GHR: variants seen among roughly 807,000 people sequenced by gnomAD.
The protein encoded by GHR is growth hormone receptor.
A neutral mutation model predicts 67.1 loss-of-function variants in GHR; 35 were observed. The observed-to-expected ratio is 0.52, with a 90% CI of 0.40 to 0.69. The LOEUF (loss-of-function observed/expected upper bound fraction) is 0.69. Among genes scored for constraint, GHR ranks in the 30% least tolerant of loss-of-function variants. GHR has a pLI of 0.00. For missense variants in GHR, 792 were observed against 764.6 expected, an observed-to-expected ratio of 1.04 and a Z score of -0.42; for synonymous variants, 272 against 269.1, an observed-to-expected ratio of 1.01 and a Z score of -0.10.
intron 3 of GHR, among the ~76,000 whole-genome samples, chr5:42,670,496 C>G (rs957461316): frequency 6.6e-6 from 1 of 152,004 alleles, no homozygotes; most frequent in African/African-American, 2.4e-5. Flanking sequence ...AAAGCACAGA[C>G]AACAAAAGCA....
At chr5:42,450,386 C>T (rs1410426133) in intron 1 of GHR, among the ~76,000 whole-genome samples, 2 of 152,090 alleles carry the variant, frequency 1.3e-5, no homozygotes, top group Non-Finnish European at 2.9e-5. Flanking sequence ...TTGTCCATCT[C>T]CTCTAGATTT....
At chr5:42,696,418 T>C (rs1223414640) in intron 5 of GHR, among the ~76,000 whole-genome samples, 1 of 152,170 alleles carries the variant, frequency 6.6e-6, no homozygotes, top group Non-Finnish European at 1.5e-5. Context: ...ATGGTGACAG[T>C]TTAGTTACCT....
chr5:42,656,511 C>G (rs531248008), intron 3 of GHR, among the ~76,000 whole-genome samples: 12 of 152,112 alleles, frequency 7.9e-5, no homozygotes, highest in Non-Finnish European at 1.8e-4. Context: ...TATCTTTGCA[C>G]TCCTGTCCAT....
chr5:42,576,085 A>G (rs1375964303), intron 2 of GHR, among the ~76,000 whole-genome samples: 2 of 91,650 alleles, frequency 2.2e-5, no homozygotes, highest in African/African-American at 1.1e-4. Context: ...AAAATAAAAT[A>G]AAATAAAATA....
At chr5:42,667,660 G>A (rs1029722257) in intron 3 of GHR, among the ~76,000 whole-genome samples, 6 of 152,266 alleles carry the variant, frequency 3.9e-5, no homozygotes, top group East Asian at 1.9e-4. Context: ...CTTAGCTAGC[G>A]GTCAGGTGCC....
chr5:42,473,394 T>C (rs1745093572), intron 1 of GHR, among the ~76,000 whole-genome samples: 1 of 152,228 alleles, frequency 6.6e-6, no homozygotes. Flanking sequence ...CCAAAGATAA[T>C]ATTTTTCTCT....
At chr5:42,704,287 G>T (rs146487888) in intron 6 of GHR, among the ~76,000 whole-genome samples, 99 of 151,622 alleles carry the variant, frequency 6.5e-4, no homozygotes, top group African/African-American at 2.4e-3. Context: ...TTTGACAAGT[G>T]CTTCTTCTGT....
chr5:42,573,281 G>A (rs1174714021), intron 2 of GHR, among the ~76,000 whole-genome samples: 1 of 152,156 alleles, frequency 6.6e-6, no homozygotes, highest in Non-Finnish European at 1.5e-5. Flanking sequence ...ATAGTGGGAG[G>A]GGTCTAGAAA....
chr5:42,647,151 T>G (rs1754772933), intron 3 of GHR, among the ~76,000 whole-genome samples: 1 of 152,142 alleles, frequency 6.6e-6, no homozygotes, highest in South Asian at 2.1e-4. Flanking sequence ...ACATTATGGT[T>G]GAGAATTGTC....
Position 42,572,683 on chromosome 5 carries a change from A to T in GHR, c.70+6739A>T, listed in dbSNP as rs76440906. Among the ~76,000 whole-genome samples the T allele has an allele frequency of 0.012, 1,840 of 152,260 alleles. 80 individuals are homozygous for T. In the East Asian group the frequency reaches 0.14, roughly 12 times the overall value. On this transcript the variant is annotated intron_variant, in intron 2 of 9. Transcript: ENST00000230882. ...TGTTTCATCAGGTACATTTATCAGG[A>T]ATCTCTGTTTCTGTTTATATAACAA...
At chr5:42,655,808 G>A (rs1333289207) in intron 3 of GHR, among the ~76,000 whole-genome samples, 3 of 151,988 alleles carry the variant, frequency 2.0e-5, no homozygotes, top group Admixed American at 6.6e-5. Flanking sequence ...ACAGCAGTAG[G>A]AGTAGATCTT....
chr5:42,509,369 T>G (rs1380434893), intron 1 of GHR, among the ~76,000 whole-genome samples: 2 of 152,200 alleles, frequency 1.3e-5, no homozygotes, highest in Admixed American at 1.3e-4. Context: ...TGACAACTCC[T>G]CTATCCTCAA....
chr5:42,446,435 G>GT (rs1374659852), intron 1 of GHR, among the ~76,000 whole-genome samples: 1 of 152,218 alleles, frequency 6.6e-6, no homozygotes, highest in Non-Finnish European at 1.5e-5. Context: ...ATCAGAGAAT[G>GT]TTCGAGGGCA....
intron 1 of GHR, among the ~76,000 whole-genome samples, chr5:42,511,988 G>T: frequency 6.6e-6 from 1 of 152,168 alleles, no homozygotes; most frequent in East Asian, 1.9e-4. Flanking sequence ...ACAGACTGCA[G>T]ATAGACCCTA....
Position 42,585,508 on chromosome 5 carries a change from CA to C in GHR, c.70+19570del, listed in dbSNP as rs371948362. Among the ~76,000 whole-genome samples the C allele has an allele frequency of 3.3e-5, 5 of 152,302 alleles. No homozygotes were observed. The South Asian group carries it at 8.3e-4, about 25-fold the overall frequency. On this transcript the variant is annotated intron_variant, in intron 2 of 9. Transcript: ENST00000230882. ...TCCAATCTCCACACCTGGAATGTTC[CA>C]AAAAACCTCCTGTGTTTTCTTTCTG...
chr5:42,593,054 C>G (rs1371964825), intron 2 of GHR, among the ~76,000 whole-genome samples: 1 of 152,160 alleles, frequency 6.6e-6, no homozygotes, highest in Non-Finnish European at 1.5e-5. Flanking sequence ...TGAAAAGTAT[C>G]TGTTCAGGGA....
chr5:42,566,661 G>A (rs1328154967), intron 2 of GHR, among the ~76,000 whole-genome samples: 1 of 139,050 alleles, frequency 7.2e-6, no homozygotes, highest in African/African-American at 3.0e-5. Flanking sequence ...GCTCTCTAAC[G>A]GGTGGGAGAC....
At chr5:42,500,252 G>A (rs1439378790) in intron 1 of GHR, among the ~76,000 whole-genome samples, 1 of 152,308 alleles carries the variant, frequency 6.6e-6, no homozygotes, top group Non-Finnish European at 1.5e-5. Flanking sequence ...GAAGTTATCA[G>A]TGTTACATGA....
At chr5:42,706,744 G>A (rs1758195286) in intron 6 of GHR, among the ~76,000 whole-genome samples, 1 of 151,986 alleles carries the variant, frequency 6.6e-6, no homozygotes. Context: ...ATTGATCTAT[G>A]TGTCTTCTTT....
Sources: gnomAD v4.1 joint callset for allele counts (sites outside exome capture counted in the v4.1 genomes callset) on GRCh38, gnomAD v4.1.1 for gene constraint, MANE v1.5 for transcripts, NCBI Gene and HGNC (gene_info 2026-07-23, HGNC 2026-07-21) for gene names.